NFASC: variants seen among roughly 807,000 people sequenced by gnomAD.
The protein encoded by NFASC is neurofascin homolog.
A neutral mutation model predicts 147.5 loss-of-function variants in NFASC; 43 were observed. The observed-to-expected ratio is 0.29, with a 90% confidence interval of 0.23 to 0.38. The LOEUF (loss-of-function observed/expected upper bound fraction) is 0.38. Ranked by LOEUF, NFASC falls within the 10% of genes least tolerant of loss-of-function variation. The probability of loss-of-function intolerance (pLI) is 1.00; values close to 1 mark genes in which losing one functional copy is unlikely to be tolerated. For missense variants in NFASC, 1,320 were observed against 1,689.0 expected (o/e 0.78, Z 3.83); for synonymous variants, 622 against 665.5 (o/e 0.93, Z 1.01).
At chr1:204,934,647 G>A (rs1364432083) in intron 2 of NFASC, among the ~76,000 whole-genome samples, 1 of 152,170 alleles carries the variant, frequency 6.6e-6, no homozygotes, top group Non-Finnish European at 1.5e-5. Flanking sequence ...GATGACCACA[G>A]GGTCTTTTTC....
chr1:204,849,364 C>CA (rs1222654971), intron 1 of NFASC, among the ~76,000 whole-genome samples: 2 of 152,180 alleles, frequency 1.3e-5, no homozygotes, highest in African/African-American at 4.8e-5. Context: ...GTCAGAGCTT[C>CA]AAGAGACGTT....
chr1:204,958,508 GGA>G (rs1276639352), intron 8 of NFASC, among the ~76,000 whole-genome samples: 1 of 152,190 alleles, frequency 6.6e-6, no homozygotes, highest in African/African-American at 2.4e-5. Context: ...TCTCCCTTGA[GGA>G]GAGAGAGAAG....
At chr1:204,866,761 A>C (rs2077139700) in intron 1 of NFASC, among the ~76,000 whole-genome samples, 1 of 152,228 alleles carries the variant, frequency 6.6e-6, no homozygotes, top group Non-Finnish European at 1.5e-5. Context: ...GTTTTTCATC[A>C]TCTGGTAGAG....
chr1:204,918,778 G>A (rs2089856085), intron 1 of NFASC, among the ~76,000 whole-genome samples: 1 of 151,674 alleles, frequency 6.6e-6, no homozygotes, highest in South Asian at 2.1e-4. Flanking sequence ...TAGAGACAGG[G>A]TTTCACCATG....
At chr1:204,992,176 C>G (rs936384097) in intron 24 of NFASC, among the ~76,000 whole-genome samples, 1 of 152,168 alleles carries the variant, frequency 6.6e-6, no homozygotes, top group African/African-American at 2.4e-5. Flanking sequence ...CCAGGCCCTC[C>G]TCTGAGCCTG....
intron 1 of NFASC, among the ~76,000 whole-genome samples, chr1:204,870,143 G>A (rs548667255): frequency 6.6e-6 from 1 of 152,320 alleles, no homozygotes; most frequent in Admixed American, 6.5e-5. Context: ...AATGTGGTGA[G>A]TGGAAATAGT....
At chr1:204,868,078 G>A (rs548876838) in intron 1 of NFASC, among the ~76,000 whole-genome samples, 4 of 152,354 alleles carry the variant, frequency 2.6e-5, no homozygotes, top group Admixed American at 6.5e-5. Context: ...TTGTAATAGC[G>A]TTCACTTTCC....
intron 21 of NFASC, among the ~76,000 whole-genome samples, chr1:204,984,717 G>T (rs1373555185): frequency 1.3e-5 from 2 of 152,104 alleles, no homozygotes; most frequent in South Asian, 2.1e-4. Flanking sequence ...GACTATCAAG[G>T]CTCTTGGCTT....
chr1:204,974,412 G>A (rs2095348196), intron 13 of NFASC, 122 bp downstream of exon 13: 4 of 823,014 alleles, frequency 4.9e-6, no homozygotes, highest in Non-Finnish European at 8.0e-6. Flanking sequence ...AAGCTGGGAG[G>A]AAGTTAGCAG....
intron 10 of NFASC, 53 bp from the exon 11 acceptor site, chr1:204,970,563 C>A: frequency 1.2e-6 from 2 of 1,608,216 alleles, no homozygotes; most frequent in African/African-American, 1.3e-5. Flanking sequence ...TTGGTTTCTT[C>A]TGCCTGTCCC....
rs964548519 is a variant in NFASC, at chr1:204,902,120, C to T, written c.-199-18512C>T. 1.3e-4 allele frequency among the ~76,000 whole-genome samples: 20 copies of T among 152,156 alleles called. No individual in the cohort carries two copies. In the South Asian group the frequency reaches 1.5e-3, roughly 11 times the overall value. ...ACCAGCCTGGGTAACATAGTGAGAC[C>T]CCGTCTCTACAACAAGTTTTAAAAA... On this transcript the variant is annotated intron_variant, in intron 1 of 29. Coordinates refer to ENST00000339876, the MANE Select transcript of NFASC (RefSeq NM_001005388.3).
intron 7 of NFASC, among the ~76,000 whole-genome samples, chr1:204,957,282 G>A (rs1010158466): frequency 3.3e-5 from 5 of 152,202 alleles, no homozygotes; most frequent in Non-Finnish European, 5.9e-5. Context: ...CTGCTAGCTT[G>A]AGAATTTGAA....
rs568538207 is a variant in NFASC at position 204,894,707 on chromosome 1, C to G, written c.-199-25925C>G. On this transcript the variant is annotated intron_variant, in intron 1 of 29. Coordinates refer to ENST00000339876, the MANE Select transcript of NFASC (RefSeq NM_001005388.3). Reference sequence around the variant, plus strand: ...TTTAATCAGTCTCCCTCAGTCTCACCTTCCATCAGTCAACCTCAGTGTCAC... The same window carrying G: ...TTTAATCAGTCTCCCTCAGTCTCACGTTCCATCAGTCAACCTCAGTGTCAC... Among the ~76,000 whole-genome samples, 4 of 152,282 alleles carry G rather than the reference C, an allele frequency of 2.6e-5. No homozygotes were observed. The East Asian group carries it at 7.7e-4, about 29-fold the overall frequency.
chr1:204,862,306 CT>C (rs1390341830), intron 1 of NFASC, among the ~76,000 whole-genome samples: 2 of 152,204 alleles, frequency 1.3e-5, no homozygotes, highest in African/African-American at 4.8e-5. Flanking sequence ...ATACTGTAGG[CT>C]TGAAAGCAGT....
At chr1:204,833,227 C>A (rs1464891671) in intron 1 of NFASC, among the ~76,000 whole-genome samples, 2 of 152,170 alleles carry the variant, frequency 1.3e-5, no homozygotes, top group African/African-American at 4.8e-5. Flanking sequence ...GCTAGGCACC[C>A]TACTCTATGC....
Position 205,005,838 on chromosome 1 carries a change from C to T in NFASC, c.3289+3090C>T, listed in dbSNP as rs570234875. Among the ~76,000 whole-genome samples the T allele has an allele frequency of 6.6e-5, 10 of 152,246 alleles. 1 individual carries two copies. The highest frequency in any genetic ancestry group is 2.6e-4 in the Admixed American group (4 of 15,294). On this transcript the variant is annotated intron_variant, in intron 27 of 29. Coordinates refer to ENST00000339876, the MANE Select transcript of NFASC (RefSeq NM_001005388.3). ...AATTCTTTCACCTTTTCGGTAAGGA[C>T]GGAAGGTAACATTTGAACTTCACCT... is the stretch of plus-strand genomic sequence containing the variant.
intron 11 of NFASC, among the ~76,000 whole-genome samples, chr1:204,971,391 T>G (rs2095251093): frequency 6.6e-6 from 1 of 152,182 alleles, no homozygotes; most frequent in Admixed American, 6.5e-5. Flanking sequence ...ACTCTCTGGT[T>G]GCATTACTTT....
intron 5 of NFASC, among the ~76,000 whole-genome samples, chr1:204,953,436 T>A (rs1180663694): frequency 2.0e-5 from 3 of 152,354 alleles, no homozygotes; most frequent in East Asian, 3.9e-4. Context: ...TAGCTGGGAC[T>A]ACAGGCACCC....
intron 3 of NFASC, 81 bp from the exon 4 acceptor site, chr1:204,950,476 C>A (rs988696213): frequency 7.8e-7 from 1 of 1,288,102 alleles, no homozygotes; most frequent in Non-Finnish European, 1.1e-6. Flanking sequence ...TGTGCTGGGG[C>A]GTGAGGATGC....
Sources: allele counts gnomAD v4.1 joint callset (sites outside exome capture counted in the v4.1 genomes callset), GRCh38; gene constraint gnomAD v4.1.1; transcripts MANE v1.5; gene names NCBI Gene and HGNC (gene_info 2026-07-23, HGNC 2026-07-21).